The following PLS3 variants were observed in gnomAD, a reference collection of about 807,000 sequenced individuals.
PLS3 encodes plastin-3.
In PLS3, 11 loss-of-function variants were observed where a neutral mutation model predicts 46.5. That is an observed-to-expected ratio of 0.24 (90% CI 0.15 to 0.39). The LOEUF (loss-of-function observed/expected upper bound fraction) is 0.39. Ranked by LOEUF, PLS3 falls within the 10% of genes least tolerant of loss-of-function variation. The pLI is 1.00. For missense variants in PLS3, 308 were observed against 461.8 expected (o/e 0.67, Z 3.05); for synonymous variants, 167 against 162.2 (o/e 1.03, Z -0.22).
intron 1 of PLS3, among the ~76,000 whole-genome samples, chrX:115,578,826 AT>A (rs1220795927): frequency 2.7e-5 from 3 of 110,469 alleles, no homozygotes; most frequent in Non-Finnish European, 5.7e-5. Flanking sequence ...TCTGAATTAG[AT>A]TTTTTAATTA....
rs1339219202 is a variant in PLS3 at position 115,629,980 on chromosome X, C to T, written c.500+13C>T. On this transcript the variant is annotated intron_variant, in intron 5 of 15. Transcript: ENST00000355899. ...GAATTGTGCTTTGGTAAGATGTTAG[C>T]TTGTTTTATATCCAGATATCCAAAA... The T allele has an allele frequency of 2.6e-6, 3 of 1,138,894 alleles. No homozygotes were observed. The highest frequency in any genetic ancestry group is 1.8e-5 in the African/African-American group (1 of 54,650). 93.9% of individuals were successfully genotyped at this position (1,138,894 alleles called of 1,213,427 possible).
chrX:115,590,766 G>T (rs1298823571), intron 1 of PLS3, among the ~76,000 whole-genome samples: 2 of 111,666 alleles, frequency 1.8e-5, no homozygotes, highest in Admixed American at 1.9e-4. Flanking sequence ...GTTGCAGTGA[G>T]CTGAGATCGA....
rs192361476 is a variant in PLS3 at position 115,635,506 on chromosome X, C to A, written c.748+460C>A. Among the ~76,000 whole-genome samples the A allele has an allele frequency of 5.2e-3, 564 of 108,287 alleles. 2 individuals carry two copies. The highest frequency in any genetic ancestry group is 0.018 in the African/African-American group (528 of 29,755). The allele number at this position is 108,287 out of a possible 115,157, so 94.0% of individuals were successfully genotyped here. On this transcript the variant is annotated intron_variant, in intron 7 of 15. Transcript: ENST00000355899. ...TTCTACTAAAAATACAAAAAATTAG[C>A]CAGGCGAGGTGGCACGTGCCTGTAG...
intron 7 of PLS3, among the ~76,000 whole-genome samples, chrX:115,635,650 CAAAA>C (rs10606256): frequency 2.4e-3 from 52 of 21,900 alleles, no homozygotes; most frequent in African/African-American, 5.2e-3. Context: ...GACTCTGTCT[CAAAA>C]AAAAAAAAAA....
chrX:115,608,537 G>A (rs1326253492), intron 1 of PLS3, among the ~76,000 whole-genome samples: 1 of 112,010 alleles, frequency 8.9e-6, no homozygotes, highest in Non-Finnish European at 1.9e-5. Flanking sequence ...AAGTTCATCA[G>A]TTGTAACAAA....
intron 1 of PLS3, among the ~76,000 whole-genome samples, chrX:115,567,606 AAAAC>A (rs782729582): frequency 6.3e-5 from 7 of 110,306 alleles, no homozygotes; most frequent in Non-Finnish European, 9.5e-5. Flanking sequence ...GAAAAACAGA[AAAAC>A]AAACAAACAA....
At chrX:115,561,811 G>T (rs1050259293) in intron 1 of PLS3, among the ~76,000 whole-genome samples, 1 of 111,512 alleles carries the variant, frequency 9.0e-6, no homozygotes, top group Admixed American at 9.4e-5. Flanking sequence ...CTCTGGAGAG[G>T]GGGGGCCGTG....
At chrX:115,590,809 G>A (rs1429289801) in intron 1 of PLS3, among the ~76,000 whole-genome samples, 1 of 110,792 alleles carries the variant, frequency 9.0e-6, no homozygotes, top group Non-Finnish European at 1.9e-5. Flanking sequence ...GACAGAGCGA[G>A]ACTCCGTCTC....
At chrX:115,605,284 G>A (rs1431258084) in intron 1 of PLS3, among the ~76,000 whole-genome samples, 1 of 111,265 alleles carries the variant, frequency 9.0e-6, no homozygotes, top group Non-Finnish European at 1.9e-5. Flanking sequence ...TCTGATAGAT[G>A]GGAAATCTGA....
At chrX:115,575,696 G>A (rs2074244470) in intron 1 of PLS3, among the ~76,000 whole-genome samples, 1 of 111,789 alleles carries the variant, frequency 8.9e-6, no homozygotes, top group Non-Finnish European at 1.9e-5. Flanking sequence ...ACCCGCCTCG[G>A]CCTCCCAAAG....
intron 6 of PLS3, 27 bp downstream of exon 6, chrX:115,634,108 A>ACAT: frequency 1.1e-6 from 1 of 872,635 alleles, no homozygotes; most frequent in South Asian, 2.1e-5. Flanking sequence ...CCTCCCTTTA[A>ACAT]CATGAAATTA....
At chrX:115,570,487 G>A (rs376599073) in intron 1 of PLS3, among the ~76,000 whole-genome samples, 2 of 102,923 alleles carry the variant, frequency 1.9e-5, no homozygotes, top group East Asian at 6.0e-4. Flanking sequence ...TCTAATTTGA[G>A]TACCTTCCTA....
chrX:115,630,539 C>T (rs2074753684), intron 5 of PLS3, among the ~76,000 whole-genome samples: 1 of 108,393 alleles, frequency 9.2e-6, no homozygotes, highest in Non-Finnish European at 1.9e-5. Flanking sequence ...TAATACTCAA[C>T]CCCTTTGCAT....
intron 5 of PLS3, among the ~76,000 whole-genome samples, chrX:115,630,911 GTATATATGTATATATACAAAA>G (rs2074764410): frequency 1.1e-5 from 1 of 89,902 alleles, no homozygotes; most frequent in Non-Finnish European, 2.1e-5. Flanking sequence ...TATTATACAT[GTATATATGTATATATACAAAA>G]TATATATGTA....
At chrX:115,599,676 A>C (rs2147463683) in intron 1 of PLS3, among the ~76,000 whole-genome samples, 1 of 103,610 alleles carries the variant, frequency 9.7e-6, no homozygotes, top group East Asian at 3.1e-4. Flanking sequence ...TGTGTCGCCC[A>C]GGCTGGAGTG....
At chrX:115,584,612 G>C (rs1243431772) in intron 1 of PLS3, among the ~76,000 whole-genome samples, 3 of 111,866 alleles carry the variant, frequency 2.7e-5, no homozygotes, top group African/African-American at 9.7e-5. Flanking sequence ...GCCTCTTGAG[G>C]AATGTTACTA....
chrX:115,621,533 CT>C (rs1283335915), intron 2 of PLS3, among the ~76,000 whole-genome samples: 1 of 111,240 alleles, frequency 9.0e-6, no homozygotes, highest in Non-Finnish European at 1.9e-5. Flanking sequence ...AATAAATTAA[CT>C]TTTGGTCATT....
intron 1 of PLS3, among the ~76,000 whole-genome samples, chrX:115,592,518 T>G (rs782739033): frequency 8.1e-5 from 9 of 111,660 alleles, no homozygotes; most frequent in Non-Finnish European, 1.5e-4. Context: ...ACTTGCCCTA[T>G]GTCAGCACAG....
chrX:115,576,620 A>G (rs2074250677), intron 1 of PLS3, among the ~76,000 whole-genome samples: 1 of 111,839 alleles, frequency 8.9e-6, no homozygotes, highest in African/African-American at 3.3e-5. Flanking sequence ...TCACCAGATC[A>G]AAACAGCTAA....
Sources: allele counts gnomAD v4.1 joint callset (sites outside exome capture counted in the v4.1 genomes callset), GRCh38; gene constraint gnomAD v4.1.1; transcripts MANE v1.5; gene names NCBI Gene and HGNC (gene_info 2026-07-23, HGNC 2026-07-21).